The following KCTD8 variants were observed in gnomAD, a reference collection of about 807,000 sequenced individuals.
KCTD8 encodes BTB/POZ domain-containing protein KCTD8.
Under a neutral mutation model 31.5 loss-of-function variants are expected in KCTD8, and 27 were observed. The observed-to-expected ratio is 0.86, with a 90% CI of 0.63 to 1.18. The LOEUF (loss-of-function observed/expected upper bound fraction) is 1.18, where lower values mean the gene tolerates loss of function less well. Ranked by LOEUF, KCTD8 falls within the 50% of genes most tolerant of loss-of-function variation. The pLI, the probability that KCTD8 is intolerant of heterozygous loss-of-function variation, is 0.00. For missense variants in KCTD8, 658 were observed against 647.7 expected (o/e 1.02, Z -0.17); for synonymous variants, 290 against 280.0 (o/e 1.04, Z -0.36).
At chr4:44,179,411 A>C (rs1366190778) in intron 1 of KCTD8, among the ~76,000 whole-genome samples, 1 of 151,144 alleles carries the variant, frequency 6.6e-6, no homozygotes, top group Non-Finnish European at 1.5e-5. Context: ...TGTGATTTTA[A>C]GAGCTTTAAA....
intron 1 of KCTD8, among the ~76,000 whole-genome samples, chr4:44,388,621 G>C (rs1720286674): frequency 6.6e-6 from 1 of 151,612 alleles, no homozygotes; most frequent in Non-Finnish European, 1.5e-5. Context: ...CTGAATACCA[G>C]ATGTACTCAC....
At chr4:44,221,183 G>A (rs1714795982) in intron 1 of KCTD8, among the ~76,000 whole-genome samples, 1 of 152,098 alleles carries the variant, frequency 6.6e-6, no homozygotes, top group African/African-American at 2.4e-5. Context: ...AAACTAGACT[G>A]GAATAAACAT....
intron 1 of KCTD8, among the ~76,000 whole-genome samples, chr4:44,339,312 TC>T (rs1451300863): frequency 6.6e-6 from 1 of 151,990 alleles, no homozygotes; most frequent in African/African-American, 2.4e-5. Flanking sequence ...GTTCTTAGAA[TC>T]CCTAGAGAAA....
intron 1 of KCTD8, among the ~76,000 whole-genome samples, chr4:44,244,849 G>T (rs954597041): frequency 5.1e-4 from 13 of 25,604 alleles, no homozygotes; most frequent in African/African-American, 8.6e-4. Flanking sequence ...TGTAGTTGTG[G>T]GGGGGGGGGG....
intron 1 of KCTD8, among the ~76,000 whole-genome samples, chr4:44,222,142 A>C (rs77976347): frequency 0.022 from 3,360 of 152,316 alleles, 130 homozygotes; most frequent in African/African-American, 0.077. Flanking sequence ...ATTCACTCAG[A>C]GAAGCAGAAT....
At chr4:44,299,414 T>G (rs1717537108) in intron 1 of KCTD8, among the ~76,000 whole-genome samples, 1 of 152,126 alleles carries the variant, frequency 6.6e-6, no homozygotes, top group South Asian at 2.1e-4. Flanking sequence ...GAAACTGTTG[T>G]GTATTTCTTT....
At chr4:44,336,552 AAAC>A (rs1185550748) in intron 1 of KCTD8, among the ~76,000 whole-genome samples, 2 of 152,116 alleles carry the variant, frequency 1.3e-5, no homozygotes, top group African/African-American at 2.4e-5. Context: ...CAGGTTTACA[AAAC>A]AACAAGACAT....
intron 1 of KCTD8, among the ~76,000 whole-genome samples, chr4:44,334,665 C>T (rs1052772133): frequency 6.6e-6 from 1 of 151,760 alleles, no homozygotes; most frequent in African/African-American, 2.4e-5. Flanking sequence ...AAAAAAAATC[C>T]TTGAACATAA....
At chr4:44,264,749 C>T (rs1299153565) in intron 1 of KCTD8, among the ~76,000 whole-genome samples, 3 of 152,128 alleles carry the variant, frequency 2.0e-5, no homozygotes, top group Admixed American at 6.5e-5. Flanking sequence ...GCACATGGCT[C>T]GGAGGGTCCT....
chr4:44,371,081 A>G (rs1009331138), intron 1 of KCTD8, among the ~76,000 whole-genome samples: 2 of 151,952 alleles, frequency 1.3e-5, no homozygotes, highest in Non-Finnish European at 2.9e-5. Context: ...ATCCAGGTCA[A>G]GTCTTATGGC....
chr4:44,227,783 C>T (rs1001315071), intron 1 of KCTD8, among the ~76,000 whole-genome samples: 2 of 152,166 alleles, frequency 1.3e-5, no homozygotes, highest in East Asian at 1.9e-4. Flanking sequence ...TCTTAAGATG[C>T]AATTCACCTA....
At chr4:44,386,386 G>A (rs924520103) in intron 1 of KCTD8, among the ~76,000 whole-genome samples, 25 of 151,522 alleles carry the variant, frequency 1.6e-4, no homozygotes, top group African/African-American at 5.3e-4. Flanking sequence ...AAACTAAGGC[G>A]TGCAAGCAAC....
Position 44,219,660 on chromosome 4 carries a change from A to G in KCTD8, c.962-44410T>C, listed in dbSNP as rs865817965. 1.1e-4 allele frequency among the ~76,000 whole-genome samples: 17 copies of G among 152,248 alleles called. No individual in the cohort carries two copies. In the Middle Eastern group the frequency reaches 0.01, roughly 91 times the overall value. On this transcript the variant is annotated intron_variant, in intron 1 of 1. Coordinates refer to ENST00000360029, the MANE Select transcript of KCTD8 (RefSeq NM_198353.3). ...CATGACTCCTTGACTTTAAACTTCT[A>G]TTTTCCAGAACTATGAGAGAATAAA...
intron 1 of KCTD8, among the ~76,000 whole-genome samples, chr4:44,300,039 C>T (rs1253864144): frequency 1.3e-5 from 2 of 151,782 alleles, no homozygotes; most frequent in South Asian, 2.1e-4. Context: ...TGTGAGCCAC[C>T]GCACTCGGCC....
intron 1 of KCTD8, among the ~76,000 whole-genome samples, chr4:44,226,157 C>A (rs889137747): frequency 6.6e-6 from 1 of 152,080 alleles, no homozygotes; most frequent in African/African-American, 2.4e-5. Context: ...GCCTCATTTG[C>A]ATTAGGTATT....
chr4:44,332,342 G>T (rs1466035130), intron 1 of KCTD8, among the ~76,000 whole-genome samples: 2 of 151,906 alleles, frequency 1.3e-5, no homozygotes, highest in Non-Finnish European at 2.9e-5. Context: ...CATGGTCCAG[G>T]ACCTTCAGCC....
At chr4:44,193,802 G>A (rs1713840366) in intron 1 of KCTD8, among the ~76,000 whole-genome samples, 1 of 151,980 alleles carries the variant, frequency 6.6e-6, no homozygotes, top group Non-Finnish European at 1.5e-5. Context: ...TTCACTGTTA[G>A]GTTGCAATAT....
chr4:44,247,570 T>C (rs547490905), intron 1 of KCTD8, among the ~76,000 whole-genome samples: 1 of 152,046 alleles, frequency 6.6e-6, no homozygotes, highest in South Asian at 2.1e-4. Flanking sequence ...CTCTAGACTT[T>C]ATTTATTTTG....
intron 1 of KCTD8, among the ~76,000 whole-genome samples, chr4:44,294,424 C>A (rs528413039): frequency 5.2e-4 from 79 of 152,234 alleles, no homozygotes; most frequent in Non-Finnish European, 9.7e-4. Flanking sequence ...AATGGAAAAA[C>A]ATATGTTTAA....
Sources: allele counts gnomAD v4.1 joint callset (sites outside exome capture counted in the v4.1 genomes callset), GRCh38; gene constraint gnomAD v4.1.1; transcripts MANE v1.5; gene names NCBI Gene and HGNC (gene_info 2026-07-23, HGNC 2026-07-21).